ADH4: variants seen among roughly 807,000 people sequenced by gnomAD.
ADH4 encodes the protein alcohol dehydrogenase 4 (class II), pi polypeptide, also known as all-trans-retinol dehydrogenase [NAD(+)] ADH4.
ADH4 carries 31 observed loss-of-function variants against 35.2 expected under a neutral mutation model. The ratio of observed to expected loss-of-function variants is 0.88; its 90% CI spans 0.66 to 1.19. ADH4 has a LOEUF of 1.19. Ranked by LOEUF, ADH4 falls within the 50% of genes most tolerant of loss-of-function variation. ADH4 has a pLI of 0.00. For synonymous variants in ADH4, 171 were observed against 160.2 expected, an observed-to-expected ratio of 1.07 and a Z score of -0.51; for missense variants, 476 against 458.3, an observed-to-expected ratio of 1.04 and a Z score of -0.35.
At chr4:99,134,463 A>G (rs1048094708) in intron 5 of ADH4, among the ~76,000 whole-genome samples, 3 of 152,182 alleles carry the variant, frequency 2.0e-5, no homozygotes, top group Non-Finnish European at 2.9e-5. Context: ...TTAAAAAAGA[A>G]AGCTGTAGCT....
At chr4:99,134,695 T>G (rs562423518) in intron 5 of ADH4, among the ~76,000 whole-genome samples, 17 of 152,162 alleles carry the variant, frequency 1.1e-4, no homozygotes, top group African/African-American at 3.9e-4. Context: ...AACACAATTT[T>G]TTAAATTTTT....
intron 6 of ADH4, among the ~76,000 whole-genome samples, chr4:99,129,010 G>C (rs967952167): frequency 2.0e-5 from 3 of 152,042 alleles, no homozygotes; most frequent in Admixed American, 6.5e-5. Context: ...ATGTTGCCCA[G>C]GCTGCTCTCG....
intron 7 of ADH4, 94 bp from the exon 8 acceptor site, chr4:99,126,826 A>T (rs1729110182): frequency 6.2e-6 from 8 of 1,296,550 alleles, no homozygotes; most frequent in Non-Finnish European, 8.3e-6. Context: ...ATTAGGTCAG[A>T]TTTGGTTTGC....
At chr4:99,135,529 C>G (rs1579399628) in intron 5 of ADH4, among the ~76,000 whole-genome samples, 1 of 152,178 alleles carries the variant, frequency 6.6e-6, no homozygotes, top group Admixed American at 6.5e-5. Flanking sequence ...TGGAGTCAGC[C>G]TGAAGGAGGT....
chr4:99,141,659 A>G lies in ADH4; in HGVS notation c.144T>C (p.His48=). The part of the protein sequence containing the change: ...RIQIIATSLC[H]TDATVIDSKF... ...TAGAATCGATAACAGTGGCATCAGTATGGCACAGAGAGGTAGCAATGATCT... is the reference window on the plus strand; with the variant it reads ...TAGAATCGATAACAGTGGCATCAGTGTGGCACAGAGAGGTAGCAATGATCT... The change falls in exon 3 of 9, where the codon CAT becomes CAC. Residue 48 remains histidine, a synonymous_variant. Transcript: ENST00000265512. 3 of 1,614,132 alleles carry G rather than the reference A, an allele frequency of 1.9e-6. No individual in the cohort carries two copies. The highest frequency in any genetic ancestry group is 2.5e-6 in the Non-Finnish European group (3 of 1,179,992).
At chr4:99,132,809 A>C (rs894019166) in intron 5 of ADH4, among the ~76,000 whole-genome samples, 1 of 152,176 alleles carries the variant, frequency 6.6e-6, no homozygotes, top group Admixed American at 6.6e-5. Flanking sequence ...GAAAAGAGAA[A>C]ATCTGCTCAA....
In ADH4 at chr4:99,137,206, C is replaced by G. The variant is rs373541950; in HGVS notation, c.351-509G>C. 2.0e-5 allele frequency among the ~76,000 whole-genome samples: 3 copies of G among 152,108 alleles called. No homozygotes were observed. The South Asian group carries it at 6.2e-4, about 32-fold the overall frequency. Reference sequence around the variant, plus strand: ...GCAGTGGCGCGATCTCAGCTCAATGCAACCTCCGCCTCCTGGGTTCAAGGA... The same window carrying G: ...GCAGTGGCGCGATCTCAGCTCAATGGAACCTCCGCCTCCTGGGTTCAAGGA... On this transcript the variant is annotated intron_variant, in intron 4 of 8. Transcript: ENST00000265512.
intron 2 of ADH4, 35 bp from the exon 3 acceptor site, chr4:99,141,717 G>A: frequency 6.3e-7 from 1 of 1,597,754 alleles, no homozygotes; most frequent in Non-Finnish European, 8.6e-7. Context: ...TTGTGTTTCT[G>A]CAACTATATT....
At chr4:99,128,412 C>T (rs774745404) in intron 6 of ADH4, among the ~76,000 whole-genome samples, 14 of 151,972 alleles carry the variant, frequency 9.2e-5, no homozygotes, top group Non-Finnish European at 1.8e-4. Context: ...CTCCACCGGG[C>T]GACAGAGTGA....
At chr4:99,130,509 C>T (rs1386537798) in intron 6 of ADH4, among the ~76,000 whole-genome samples, 1 of 152,094 alleles carries the variant, frequency 6.6e-6, no homozygotes, top group Non-Finnish European at 1.5e-5. Flanking sequence ...AGAAGCTTTT[C>T]CTAGCTATAG....
At position 99,131,728 on chromosome 4, in the gene ADH4, C is replaced by T. The variant is rs759542309; in HGVS notation, c.619G>A (p.Gly207Arg). ...ATTACAGCAGAAAGACCCACACCTC[C>T]TAGGCCAAAGACAGCACAAGTCGAA... ...PGSTCAVFGL[G>R]GVGLSAVMGC... is the part of the protein sequence containing the mutation. The change falls in exon 6 of 9, where the codon GGA becomes AGA. Residue 207 changes from glycine to arginine, a missense_variant. Gly to Arg is a moderately radical substitution (Grantham distance 125). Transcript: ENST00000265512. 1.2e-6 allele frequency: 2 copies of T among 1,614,092 alleles called. No homozygotes were observed. Among genetic ancestry groups the T allele is most frequent in the South Asian group, 1.1e-5 (1 of 91,088 alleles).
At chr4:99,128,393 G>A (rs1244060792) in intron 6 of ADH4, among the ~76,000 whole-genome samples, 1 of 152,134 alleles carries the variant, frequency 6.6e-6, no homozygotes, top group Non-Finnish European at 1.5e-5. Context: ...CCAAAATCGT[G>A]CCACTGCACT....
chr4:99,141,279 A>G (rs13110176), intron 3 of ADH4, among the ~76,000 whole-genome samples: 31,998 of 152,192 alleles, frequency 0.21, 4,042 homozygotes, highest in Non-Finnish European at 0.29. Flanking sequence ...AGCTAACCTC[A>G]TAACTTTGCT....
At chr4:99,127,409 A>T in intron 6 of ADH4, 65 bp from the exon 7 acceptor site, 1 of 1,369,394 alleles carries the variant, frequency 7.3e-7, no homozygotes, top group Non-Finnish European at 1.0e-6. Flanking sequence ...CCAGTGTGGC[A>T]ATGTACAATG....
At chr4:99,129,186 G>T (rs1221609882) in intron 6 of ADH4, among the ~76,000 whole-genome samples, 1 of 151,880 alleles carries the variant, frequency 6.6e-6, no homozygotes, top group East Asian at 1.9e-4. Flanking sequence ...GTAAGTAGGG[G>T]AGAGAAATGT....
intron 6 of ADH4, among the ~76,000 whole-genome samples, chr4:99,131,182 C>A (rs1454811090): frequency 6.6e-6 from 1 of 152,086 alleles, no homozygotes; most frequent in Non-Finnish European, 1.5e-5. Flanking sequence ...AAAATATTAT[C>A]TCCAGACAAA....
rs1729277934 is a variant in ADH4 at position 99,131,702 on chromosome 4, C to T, written c.645G>A (p.Met215Ile). ...TGGAAGCTCCTGCTGCTTTACAACC[C>T]ATTACAGCAGAAAGACCCACACCTC... ...GLGGVGLSAV[M>I]GCKAAGASRI... is the part of the protein sequence containing the mutation. The change falls in exon 6 of 9, where the codon ATG becomes ATA. Residue 215 changes from methionine to isoleucine, a missense_variant. Physicochemically the swap from Met to Ile is conservative, Grantham distance 10. Transcript: ENST00000265512. 1 of 1,614,138 alleles carries T rather than the reference C, an allele frequency of 6.2e-7. No homozygotes were observed. Among genetic ancestry groups the T allele is most frequent in the Non-Finnish European group, 8.5e-7 (1 of 1,179,992 alleles).
chr4:99,139,086 G>A lies in ADH4; in HGVS notation c.325C>T (p.Leu109Phe), dbSNP rs2110502838. The A allele has an allele frequency of 2.5e-6, 4 of 1,613,212 alleles. No homozygotes were observed. The highest frequency in any genetic ancestry group is 3.4e-6 in the Non-Finnish European group (4 of 1,179,532). ...CTGATTTTCCCACACAAATTTGTGAGTGGACTCAGACAAAACTTGCATTTT... is the reference window on the plus strand; with the variant it reads ...CTGATTTTCCCACACAAATTTGTGAATGGACTCAGACAAAACTTGCATTTT... ...CRKCKFCLSP[L>F]TNLCGKISNL... Residue 109 changes from leucine (L) to phenylalanine (F), a missense_variant, in exon 4 of 9, where the codon CTC becomes TTC. Leu to Phe is a conservative substitution (Grantham distance 22, BLOSUM62 0). Transcript: ENST00000265512.
intron 5 of ADH4, among the ~76,000 whole-genome samples, chr4:99,132,270 C>T (rs1729304647): frequency 6.6e-6 from 1 of 152,188 alleles, no homozygotes; most frequent in East Asian, 1.9e-4. Context: ...GCTTCATCCC[C>T]ATGATATTCC....
Sources: gnomAD v4.1 joint callset for allele counts (sites outside exome capture counted in the v4.1 genomes callset) on GRCh38, gnomAD v4.1.1 for gene constraint, MANE v1.5 for transcripts, NCBI Gene and HGNC (gene_info 2026-07-23, HGNC 2026-07-21) for gene names.